The following TRAK1 variants were observed in gnomAD, a reference collection of about 807,000 sequenced individuals.
TRAK1 encodes trafficking kinesin-binding protein 1.
TRAK1 carries 33 observed loss-of-function variants against 92.1 expected under a neutral mutation model. The observed-to-expected ratio is 0.36, with a 90% CI of 0.27 to 0.48. TRAK1 has a LOEUF of 0.48. TRAK1 is among the 20% of genes least tolerant of loss of function. The probability of loss-of-function intolerance (pLI) is 0.99; values close to 1 mark genes in which losing one functional copy is unlikely to be tolerated. For missense variants in TRAK1, 1,123 were observed against 1,257.9 expected (o/e 0.89, Z 1.62); for synonymous variants, 521 against 517.3 (o/e 1.01, Z -0.10).
intron 1 of TRAK1, among the ~76,000 whole-genome samples, chr3:42,040,793 C>T (rs993724383): frequency 2.6e-5 from 4 of 152,052 alleles, no homozygotes; most frequent in African/African-American, 9.7e-5. Flanking sequence ...GTTCTCCTGC[C>T]TCAGCCTCCT....
chr3:42,224,001 G>A lies in TRAK1; in HGVS notation c.*264G>A, dbSNP rs765934548. On this transcript the variant is annotated 3_prime_UTR_variant, in exon 16 of 16. Transcript: ENST00000327628. ...GCCCCTGCACTGTCATCACTCTCAC[G>A]AGGACGTCACCTGTGCTAACCTGGG... 6.4e-6 allele frequency: 4 copies of A among 622,494 alleles called. No individual in the cohort carries two copies. Among genetic ancestry groups the A allele is most frequent in the East Asian group, 3.3e-5 (1 of 30,266 alleles). The allele number at this position is 622,494 out of a possible 1,614,324, so 38.6% of individuals were successfully genotyped here.
At position 42,225,094 on chromosome 3, in the gene TRAK1, C is replaced by T. The variant is rs1005178283; in HGVS notation, c.*1357C>T. 1 of 152,142 alleles carries T rather than the reference C, an allele frequency of 6.6e-6. No homozygotes were observed. Among genetic ancestry groups the T allele is most frequent in the African/African-American group, 2.4e-5 (1 of 41,426 alleles). 9.4% of individuals were successfully genotyped at this position (152,142 alleles called of 1,614,324 possible). ...ACTTTTATTTATTATTTATGTCTGCCGTATTTTAAATAAACATTCTCGTTC... is the reference window on the plus strand; with the variant it reads ...ACTTTTATTTATTATTTATGTCTGCTGTATTTTAAATAAACATTCTCGTTC... On this transcript the variant is annotated 3_prime_UTR_variant, in exon 16 of 16. Transcript: ENST00000327628.
intron 12 of TRAK1, among the ~76,000 whole-genome samples, chr3:42,201,570 A>G (rs900285765): frequency 1.1e-4 from 17 of 152,240 alleles, no homozygotes; most frequent in Middle Eastern, 3.4e-3. Context: ...GTATAACAAG[A>G]TGATACCAGA....
At chr3:42,036,240 G>A (rs191028253) in intron 1 of TRAK1, among the ~76,000 whole-genome samples, 2 of 152,312 alleles carry the variant, frequency 1.3e-5, no homozygotes, top group East Asian at 1.9e-4. Flanking sequence ...CCAAAAGATT[G>A]TAGGTTCCAT....
At chr3:42,030,689 A>AATATAT (rs57651073) in intron 1 of TRAK1, among the ~76,000 whole-genome samples, 49 of 97,650 alleles carry the variant, frequency 5.0e-4, no homozygotes, top group African/African-American at 2.7e-3. Context: ...AAAAAAAAAG[A>AATATAT]ATATATATAT....
intron 2 of TRAK1, among the ~76,000 whole-genome samples, chr3:42,142,778 C>T (rs1162363003): frequency 6.6e-6 from 1 of 152,168 alleles, no homozygotes; most frequent in Non-Finnish European, 1.5e-5. Flanking sequence ...TTTTGATAGT[C>T]ATTGAAGATT....
intron 2 of TRAK1, among the ~76,000 whole-genome samples, chr3:42,135,662 C>T (rs550228012): frequency 2.6e-5 from 4 of 152,338 alleles, no homozygotes; most frequent in African/African-American, 9.6e-5. Context: ...TGGAATTGGA[C>T]TGTGTGTGGG....
At chr3:42,037,547 T>TGAC (rs1702371364) in intron 1 of TRAK1, among the ~76,000 whole-genome samples, 1 of 152,208 alleles carries the variant, frequency 6.6e-6, no homozygotes. Flanking sequence ...AGACAGACAT[T>TGAC]AATGCAATTT....
chr3:42,196,012 C>T (rs1381385222), intron 10 of TRAK1, among the ~76,000 whole-genome samples: 1 of 152,192 alleles, frequency 6.6e-6, no homozygotes, highest in Non-Finnish European at 1.5e-5. Flanking sequence ...CCACTGCCTT[C>T]CCCACTCTCA....
chr3:42,109,117 C>T (rs1247611170), intron 1 of TRAK1, among the ~76,000 whole-genome samples: 2 of 152,108 alleles, frequency 1.3e-5, no homozygotes, highest in Non-Finnish European at 2.9e-5. Context: ...TATTCAACTT[C>T]TCTGTGCTGT....
Position 42,194,789 on chromosome 3 carries a change from C to G in TRAK1, c.976-15C>G, listed in dbSNP as rs751540230. ...CTCAGGAGATCCTGACCCTCTGTGT[C>G]TTTCCTGCCTGCAGCTGCGTGAGCT... On this transcript the variant is annotated splice_polypyrimidine_tract_variant and intron_variant, in intron 9 of 15. Transcript: ENST00000327628. 2.7e-5 allele frequency: 44 copies of G among 1,612,578 alleles called. No individual in the cohort carries two copies. The highest frequency in any genetic ancestry group is 3.7e-5 in the Non-Finnish European group (44 of 1,179,422).
chr3:42,166,122 G>C (rs964232293), intron 2 of TRAK1, among the ~76,000 whole-genome samples: 2 of 152,054 alleles, frequency 1.3e-5, no homozygotes, highest in African/African-American at 4.8e-5. Flanking sequence ...AACTAGGTCA[G>C]GAATTCCTCG....
intron 1 of TRAK1, among the ~76,000 whole-genome samples, chr3:42,030,541 C>T (rs575787208): frequency 4.6e-4 from 69 of 149,172 alleles, no homozygotes; most frequent in African/African-American, 1.5e-3. Flanking sequence ...GGCATGGTGG[C>T]GTATGCCTGT....
At chr3:42,215,323 C>G (rs557162538) in intron 14 of TRAK1, among the ~76,000 whole-genome samples, 5 of 152,178 alleles carry the variant, frequency 3.3e-5, no homozygotes, top group Non-Finnish European at 7.3e-5. Flanking sequence ...CCCTTTCCAC[C>G]CCTCAAGCAA....
intron 1 of TRAK1, among the ~76,000 whole-genome samples, chr3:42,075,107 T>G (rs1704093896): frequency 6.6e-6 from 1 of 152,170 alleles, no homozygotes; most frequent in Non-Finnish European, 1.5e-5. Context: ...CCACCACTGA[T>G]AGCCATCTAG....
At chr3:42,134,687 C>T (rs542610267) in intron 2 of TRAK1, among the ~76,000 whole-genome samples, 5 of 147,878 alleles carry the variant, frequency 3.4e-5, no homozygotes, top group African/African-American at 1.0e-4. Flanking sequence ...CCTGGGTTCA[C>T]GCCATTCACC....
chr3:42,205,479 T>C (rs1559384936), intron 13 of TRAK1, among the ~76,000 whole-genome samples: 1 of 152,250 alleles, frequency 6.6e-6, no homozygotes, highest in Non-Finnish European at 1.5e-5. Flanking sequence ...TTAAGAGTGC[T>C]AGCACTTTCT....
intron 1 of TRAK1, among the ~76,000 whole-genome samples, chr3:42,071,550 AT>A (rs1446606579): frequency 1.3e-5 from 2 of 152,132 alleles, no homozygotes; most frequent in Admixed American, 6.5e-5. Flanking sequence ...TCTACTAAAA[AT>A]ACAAAAATTA....
At chr3:42,067,582 T>G (rs562343660) in intron 1 of TRAK1, among the ~76,000 whole-genome samples, 29 of 152,054 alleles carry the variant, frequency 1.9e-4, no homozygotes, top group Non-Finnish European at 3.5e-4. Flanking sequence ...TCCCCTTTAG[T>G]GCTTAGATGA....
Sources: gnomAD v4.1 joint callset for allele counts (sites outside exome capture counted in the v4.1 genomes callset) on GRCh38, gnomAD v4.1.1 for gene constraint, MANE v1.5 for transcripts, NCBI Gene and HGNC (gene_info 2026-07-23, HGNC 2026-07-21) for gene names.